PPP2R5C: variants seen among roughly 807,000 people sequenced by gnomAD.
PPP2R5C encodes the protein serine/threonine-protein phosphatase 2A 56 kDa regulatory subunit gamma isoform.
In PPP2R5C, 7 loss-of-function variants were observed where a neutral mutation model predicts 68.9. The ratio of observed to expected loss-of-function variants is 0.10; its 90% CI spans 0.06 to 0.19. The LOEUF (loss-of-function observed/expected upper bound fraction) is 0.19, where lower values mean the gene tolerates loss of function less well. PPP2R5C is among the 10% of genes least tolerant of loss of function. The pLI is 1.00. For missense variants in PPP2R5C, 348 were observed against 641.3 expected, an observed-to-expected ratio of 0.54 and a Z score of 4.94; for synonymous variants, 210 against 222.2, an observed-to-expected ratio of 0.95 and a Z score of 0.49.
chr14:101,887,528 G>A (rs1342876090), intron 5 of PPP2R5C, among the ~76,000 whole-genome samples: 3 of 152,232 alleles, frequency 2.0e-5, no homozygotes, highest in African/African-American at 7.2e-5. Flanking sequence ...GCTCCGTGGC[G>A]TGTGCTGGGG....
At chr14:101,895,361 T>C (rs1003943463) in intron 8 of PPP2R5C, among the ~76,000 whole-genome samples, 1 of 152,206 alleles carries the variant, frequency 6.6e-6, no homozygotes, top group African/African-American at 2.4e-5. Flanking sequence ...CCGCGTTAAA[T>C]GTACAGTTCA....
chr14:101,827,555 G>A (rs1164019534), intron 1 of PPP2R5C, among the ~76,000 whole-genome samples: 2 of 152,202 alleles, frequency 1.3e-5, no homozygotes. Context: ...GGCCTCACCT[G>A]ACTCACAGCT....
chr14:101,856,490 A>G (rs1397228780), intron 1 of PPP2R5C, among the ~76,000 whole-genome samples, 196 bp from the exon 4 acceptor site: 1 of 152,110 alleles, frequency 6.6e-6, no homozygotes, highest in East Asian at 1.9e-4. Context: ...CTCATACCAA[A>G]CATATAATAT....
chr14:101,776,342 T>C (rs993458385), intron 2 of PPP2R5C, among the ~76,000 whole-genome samples: 1 of 151,214 alleles, frequency 6.6e-6, no homozygotes, highest in African/African-American at 2.4e-5. Context: ...AATCAAGTCC[T>C]TTTTTTTTAG....
At chr14:101,901,864 A>G (rs760888990) in exon 9 of PPP2R5C, 2 of 1,614,228 alleles carry the variant, frequency 1.2e-6, no homozygotes, top group Non-Finnish European at 1.7e-6. Flanking sequence ...CAGTTGGCCA[A>G]ATGTGTCTCC....
chr14:101,780,991 C>G (rs531692384), intron 2 of PPP2R5C, among the ~76,000 whole-genome samples: 1 of 152,162 alleles, frequency 6.6e-6, no homozygotes, highest in Non-Finnish European at 1.5e-5. Flanking sequence ...GCTTTCCTCT[C>G]TGTAAGCTAA....
intron 3 of PPP2R5C, chr14:101,803,218 A>G (rs2038941311): frequency 6.6e-6 from 1 of 152,244 alleles, no homozygotes; most frequent in African/African-American, 2.4e-5. Context: ...GTCTCTAACA[A>G]TAAAAATAGT....
rs989901633 is a variant in PPP2R5C, at chr14:101,882,492, A to G, written c.405+221A>G. 240 of 415,202 alleles carry G rather than the reference A, an allele frequency of 5.8e-4. No homozygotes were observed. The highest frequency in any genetic ancestry group is 4.7e-3 in the African/African-American group (232 of 48,924). 25.7% of individuals were successfully genotyped at this position (415,202 alleles called of 1,614,324 possible). ...CCAGTGAAGATGTGTAATTGTGAGT[A>G]TGTTCTCAGTGAAGATGGCCGCTGT... is the stretch of plus-strand genomic sequence containing the variant. On this transcript the variant is annotated intron_variant, in intron 3 of 13. Coordinates refer to ENST00000334743, the Ensembl canonical transcript of PPP2R5C. The surrounding 1 kb of genome is among the most constrained non-coding windows in gnomAD (Gnocchi z 4.9).
chr14:101,787,832 A>T (rs2038189808), intron 3 of PPP2R5C, among the ~76,000 whole-genome samples: 1 of 151,316 alleles, frequency 6.6e-6, no homozygotes, highest in Admixed American at 6.6e-5. Context: ...TTTGGCTTAT[A>T]TTTGGTTTAC....
chr14:101,825,677 A>G lies in PPP2R5C; in HGVS notation c.94+15641A>G, dbSNP rs991139467. 3.9e-5 allele frequency among the ~76,000 whole-genome samples: 6 copies of G among 152,152 alleles called. No individual in the cohort carries two copies. The highest frequency in any genetic ancestry group is 7.3e-5 in the Non-Finnish European group (5 of 68,028). On this transcript the variant is annotated intron_variant, in intron 1 of 13. Transcript: ENST00000334743. The surrounding 1 kb of genome is among the most constrained non-coding windows in gnomAD (Gnocchi z 4.0). ...TAGTTGAATGAACCAGTTTTGTTGT[A>G]TTTCAGATATTCTCACTGTGTAGTT...
At chr14:101,816,003 A>G (rs1225549409) in intron 1 of PPP2R5C, among the ~76,000 whole-genome samples, 1 of 152,238 alleles carries the variant, frequency 6.6e-6, no homozygotes, top group Non-Finnish European at 1.5e-5. Context: ...ATACCTCATC[A>G]GTGGAATGAG....
intron 1 of PPP2R5C, among the ~76,000 whole-genome samples, chr14:101,839,869 C>G (rs1054938767): frequency 1.3e-5 from 2 of 152,108 alleles, no homozygotes; most frequent in Non-Finnish European, 2.9e-5. Context: ...AAGCCTGGCT[C>G]TCAGTGGTGC....
chr14:101,897,957 C>G (rs900967888), intron 8 of PPP2R5C, among the ~76,000 whole-genome samples: 3 of 151,896 alleles, frequency 2.0e-5, no homozygotes, highest in African/African-American at 7.3e-5. Flanking sequence ...GAGTTTGAGA[C>G]CAGCCTGGGA....
At chr14:101,765,916 C>G (rs971103443) in intron 2 of PPP2R5C, 2 of 152,222 alleles carry the variant, frequency 1.3e-5, no homozygotes, top group African/African-American at 4.8e-5. Flanking sequence ...ATGTCACCTT[C>G]ACAATGAGCA....
upstream of PPP2R5C, among the ~76,000 whole-genome samples, chr14:101,807,474 T>A (rs551523375): frequency 7.2e-5 from 11 of 152,328 alleles, no homozygotes; most frequent in East Asian, 2.1e-3. Context: ...TAGAATACTT[T>A]TGCTAAGTAC....
Position 101,825,241 on chromosome 14 carries a change from TG to T in PPP2R5C, c.94+15206del, listed in dbSNP as rs2140298161. 6.6e-6 allele frequency among the ~76,000 whole-genome samples: 1 copy of T among 151,874 alleles called. No individual in the cohort carries two copies. The highest frequency in any genetic ancestry group is 2.1e-4 in the South Asian group (1 of 4,814). On this transcript the variant is annotated intron_variant, in intron 1 of 13. Coordinates refer to ENST00000334743, the Ensembl canonical transcript of PPP2R5C. This position sits in a 1 kb window ranked among gnomAD's most constrained non-coding sequence, Gnocchi z 4.0. ...GTGTGTGTGTGTGTGTGTGTGTGTGTGTGTGTGTTGATGAATTTATTACTTA... is the reference window on the plus strand; with the variant it reads ...GTGTGTGTGTGTGTGTGTGTGTGTGTTGTGTGTTGATGAATTTATTACTTA...
chr14:101,859,053 C>T (rs1210403020), intron 2 of PPP2R5C, among the ~76,000 whole-genome samples: 3 of 152,218 alleles, frequency 2.0e-5, no homozygotes, highest in Non-Finnish European at 2.9e-5. Flanking sequence ...CCAAACCTCG[C>T]GCTGGGCTCC....
intron 1 of PPP2R5C, among the ~76,000 whole-genome samples, chr14:101,848,421 C>T (rs1263149952): frequency 6.6e-6 from 1 of 152,004 alleles, no homozygotes. Flanking sequence ...GTCCCAGCTA[C>T]TCAGGAGGCT....
intron 2 of PPP2R5C, among the ~76,000 whole-genome samples, chr14:101,772,646 A>T (rs558902534): frequency 1.3e-5 from 2 of 152,032 alleles, no homozygotes; most frequent in South Asian, 2.1e-4. Context: ...AATTTTTTTT[A>T]AAAGCCGAGT....
Sources: gnomAD v4.1 joint callset for allele counts (sites outside exome capture counted in the v4.1 genomes callset) on GRCh38, gnomAD v4.1.1 for gene constraint, Gnocchi (gnomAD v3.1) non-coding constraint, MANE v1.5 for transcripts, NCBI Gene and HGNC (gene_info 2026-07-23, HGNC 2026-07-21) for gene names.